The following TRMT61B variants were observed in gnomAD, a reference collection of about 807,000 sequenced individuals.
TRMT61B encodes tRNA methyltransferase 61B.
TRMT61B carries 56 observed loss-of-function variants against 52.0 expected under a neutral mutation model. The ratio of observed to expected loss-of-function variants is 1.08; its 90% CI spans 0.87 to 1.35. The LOEUF (loss-of-function observed/expected upper bound fraction) is 1.35. Ranked by LOEUF, TRMT61B falls within the 40% of genes most tolerant of loss-of-function variation. The probability of loss-of-function intolerance (pLI) is 0.00; values close to 1 mark genes in which losing one functional copy is unlikely to be tolerated. For missense variants in TRMT61B, 650 were observed against 577.9 expected (o/e 1.12, Z -1.28); for synonymous variants, 206 against 220.0 (o/e 0.94, Z 0.56).
rs1219767985 is a variant in TRMT61B, at chr2:28,861,290, A to G, written c.821T>C (p.Val274Ala). 2 of 1,592,054 alleles carry G rather than the reference A, an allele frequency of 1.3e-6. No individual in the cohort carries two copies. Among genetic ancestry groups the G allele is most frequent in the Non-Finnish European group, 1.7e-6 (2 of 1,172,838 alleles). The change falls in exon 3 of 7, where the codon GTC becomes GCC. Residue 274 changes from valine (V) to alanine (A), a missense_variant. Coordinates refer to ENST00000306108, the MANE Select transcript of TRMT61B (RefSeq NM_017910.4). ...LSKAVGSQGR[V>A]ISFEVRKDHH... Reference sequence around the variant, plus strand: ...GTCTTTTCGTACCTCAAAACTTATGACTCGTCCTTGTGATCCAACTTAAGT... The same window carrying G: ...GTCTTTTCGTACCTCAAAACTTATGGCTCGTCCTTGTGATCCAACTTAAGT...
intron 3 of TRMT61B, 74 bp downstream of exon 3, chr2:28,861,044 C>T: frequency 7.9e-7 from 1 of 1,261,170 alleles, no homozygotes; most frequent in Non-Finnish European, 1.1e-6. Context: ...GACCTTTGCC[C>T]ATACAAAAGA....
Position 28,861,131 on chromosome 2 carries a change from A to G in TRMT61B, c.980T>C (p.Leu327Ser). ...TAGAAAACTTACTGCGTCAAATGTT[A>G]AAGATTTTATGTCTTCGGTTGCTCC... ...ISGATEDIKS[L>S]TFDAVALDML... The change falls in exon 3 of 7, where the codon TTA becomes TCA. Residue 327 changes from leucine (L) to serine (S), a missense_variant. Physicochemically the swap from Leu to Ser is moderately radical, Grantham distance 145 (BLOSUM62 -2). Coordinates refer to ENST00000306108, the MANE Select transcript of TRMT61B (RefSeq NM_017910.4). 1 of 1,601,194 alleles carries G rather than the reference A, an allele frequency of 6.2e-7. No homozygotes were observed. Among genetic ancestry groups the G allele is most frequent in the Non-Finnish European group, 8.5e-7 (1 of 1,175,854 alleles).
In TRMT61B at chr2:28,851,088, A is replaced by G; in HGVS notation, c.1296T>C (p.Phe432=). The change falls in exon 5 of 7, where the codon TTT becomes TTC. Residue 432 remains phenylalanine (F), a synonymous_variant. Transcript: ENST00000306108. Reference sequence around the variant, plus strand: ...GAAGCTCACCATGGTCATCCTCTTGAAACAGCTCACCTTTAACTCCAATTT... The same window carrying G: ...GAAGCTCACCATGGTCATCCTCTTGGAACAGCTCACCTTTAACTCCAATTT... ...QEKIGVKGEL[F]QEDDHEESHS... 2 of 1,606,150 alleles carry G rather than the reference A, an allele frequency of 1.2e-6. No homozygotes were observed. The highest frequency in any genetic ancestry group is 1.7e-6 in the Non-Finnish European group (2 of 1,176,964).
chr2:28,869,369 C>T (rs543561810), intron 1 of TRMT61B, among the ~76,000 whole-genome samples: 2 of 152,236 alleles, frequency 1.3e-5, no homozygotes, highest in South Asian at 2.1e-4. Flanking sequence ...ACTCGAGACT[C>T]CTAAGTTAAA....
intron 3 of TRMT61B, among the ~76,000 whole-genome samples, chr2:28,857,209 C>T (rs535988123): frequency 2.6e-5 from 4 of 152,204 alleles, no homozygotes; most frequent in Admixed American, 6.5e-5. Flanking sequence ...GCTGGGATTA[C>T]GGCCATGAAC....
intron 1 of TRMT61B, among the ~76,000 whole-genome samples, chr2:28,867,375 G>A (rs1362736040): frequency 6.6e-6 from 1 of 152,146 alleles, no homozygotes; most frequent in Non-Finnish European, 1.5e-5. Flanking sequence ...GATTACAAGT[G>A]TGAGCCACTG....
intron 3 of TRMT61B, among the ~76,000 whole-genome samples, chr2:28,857,368 C>T (rs750597151): frequency 9.2e-5 from 14 of 152,110 alleles, no homozygotes; most frequent in South Asian, 4.1e-4. Context: ...CTGTTGACTC[C>T]AGAAACAAAG....
chr2:28,870,096 G>A lies in TRMT61B; in HGVS notation c.182C>T (p.Ala61Val), dbSNP rs1414023743. 6.2e-7 allele frequency: 1 copy of A among 1,613,998 alleles called. No homozygotes were observed. The highest frequency in any genetic ancestry group is 8.5e-7 in the Non-Finnish European group (1 of 1,180,020). ...AGATGGGCAAGACTCTGCTCCTGGG[G>A]CTTTCCTTTGTGCCGCCTCGTGCTC... Reference protein sequence around the residue: ...EREHEAAQRKAPGAESCPSLP... With the variant: ...EREHEAAQRKVPGAESCPSLP... Residue 61 changes from alanine to valine, a missense_variant, in exon 1 of 7, where the codon GCC becomes GTC. Transcript: ENST00000306108.
chr2:28,869,572 G>A lies in TRMT61B; in HGVS notation c.699+7C>T. ...AACCAATACACACCTTATCTCCATC[G>A]CATTACCTTTGGGAATGTTATGGCA... On this transcript the variant is annotated splice_region_variant and intron_variant, in intron 1 of 6. Transcript: ENST00000306108. The A allele has an allele frequency of 1.3e-6, 2 of 1,593,980 alleles. No homozygotes were observed. The highest frequency in any genetic ancestry group is 1.7e-6 in the Non-Finnish European group (2 of 1,163,832).
intron 3 of TRMT61B, among the ~76,000 whole-genome samples, chr2:28,854,393 G>A (rs1429870934): frequency 2.6e-5 from 4 of 152,036 alleles, no homozygotes; most frequent in Admixed American, 2.0e-4. Flanking sequence ...GATTGCTTGA[G>A]CCAGGAGTTC....
rs746850872 is a variant in TRMT61B at position 28,851,092 on chromosome 2, A to G, written c.1292T>C (p.Leu431Pro). The G allele has an allele frequency of 6.8e-6, 11 of 1,607,354 alleles. No individual in the cohort carries two copies. Among genetic ancestry groups the G allele is most frequent in the Non-Finnish European group, 8.5e-6 (10 of 1,177,460 alleles). The change falls in exon 5 of 7, where the codon CTG (leucine) becomes CCG (proline). Residue 431 changes from leucine (L) to proline (P), a missense_variant. Physicochemically the swap from Leu to Pro is moderately conservative, Grantham distance 98 (BLOSUM62 -3). Coordinates refer to ENST00000306108, the MANE Select transcript of TRMT61B (RefSeq NM_017910.4). ...SQEKIGVKGE[L>P]FQEDDHEESH... Reference sequence around the variant, plus strand: ...CTCACCATGGTCATCCTCTTGAAACAGCTCACCTTTAACTCCAATTTTCTC... The same window carrying G: ...CTCACCATGGTCATCCTCTTGAAACGGCTCACCTTTAACTCCAATTTTCTC...
In TRMT61B at chr2:28,869,617, CTACA is replaced by C; in HGVS notation, c.657_660del (p.Tyr219Ter). Reference sequence around the variant, plus strand: ...ATGGCAGTCCCTCTTTTCATCAATACTACATAGTCTTCCAAGGCTGGCCTCCTCA... The same window carrying C: ...ATGGCAGTCCCTCTTTTCATCAATACTAGTCTTCCAAGGCTGGCCTCCTCA... On this transcript the variant is annotated frameshift_variant, in exon 1 of 7. Coordinates refer to ENST00000306108, the MANE Select transcript of TRMT61B (RefSeq NM_017910.4). LOFTEE classifies it high-confidence loss of function. The C allele has an allele frequency of 6.2e-7, 1 of 1,614,024 alleles. No individual in the cohort carries two copies.
Position 28,870,253 on chromosome 2 carries a change from G to C in TRMT61B, c.25C>G (p.Pro9Ala). 1.3e-6 allele frequency: 2 copies of C among 1,599,994 alleles called. No homozygotes were observed. Among genetic ancestry groups the C allele is most frequent in the South Asian group, 1.1e-5 (1 of 90,276 alleles). Residue 9 changes from proline to alanine, a missense_variant, in exon 1 of 7, where the codon CCT becomes GCT. Pro to Ala is a conservative substitution (Grantham distance 27). Transcript: ENST00000306108. ...CCCTGCCGCAGGCACAGCAAGACAG[G>C]ACCGCGGCACCATGCCATTAGCATA... is the stretch of plus-strand genomic sequence containing the variant. MLMAWCRG[P>A]VLLCLRQGLG... is the part of the protein sequence containing the mutation.
intron 2 of TRMT61B, 46 bp downstream of exon 2, chr2:28,864,971 G>T (rs568948707): frequency 1.8e-6 from 2 of 1,123,478 alleles, no homozygotes; most frequent in Non-Finnish European, 2.7e-6. Flanking sequence ...TGAACAAATT[G>T]AATGTTTTCT....
rs1481158623 is a variant in TRMT61B at position 28,862,890 on chromosome 2, G to A, written c.803-1582C>T. Among the ~76,000 whole-genome samples, 3 of 151,078 alleles carry A rather than the reference G, an allele frequency of 2.0e-5. No individual in the cohort carries two copies. The East Asian group carries it at 6.0e-4, about 30-fold the overall frequency. The stretch of plus-strand genomic sequence containing the variant: ...TGTGTGTGTGTGTGTGTGTGTGTGT[G>A]TGTGTGTGTATGTGAAGAACTTTTA... On this transcript the variant is annotated intron_variant, in intron 2 of 6. Coordinates refer to ENST00000306108, the MANE Select transcript of TRMT61B (RefSeq NM_017910.4).
rs1292917389 is a variant in TRMT61B, at chr2:28,861,082, A to G, written c.993+36T>C. 5 of 1,522,366 alleles carry G rather than the reference A, an allele frequency of 3.3e-6. No individual in the cohort carries two copies. The African/African-American group carries it at 4.2e-5, about 13-fold the overall frequency. The allele number at this position is 1,522,366 out of a possible 1,614,324, so 94.3% of individuals were successfully genotyped here. A position where few individuals can be genotyped will look rare whatever the true frequency, so the allele number is the denominator to read the frequency against. ...CCTGACCCCTATCTTCTTTATAGTC[A>G]AAGTAATAACACAGGACCCACGTTA... On this transcript the variant is annotated intron_variant, in intron 3 of 6. Coordinates refer to ENST00000306108, the MANE Select transcript of TRMT61B (RefSeq NM_017910.4).
chr2:28,862,558 C>T (rs1037703404), intron 2 of TRMT61B, among the ~76,000 whole-genome samples: 31 of 151,166 alleles, frequency 2.1e-4, no homozygotes, highest in African/African-American at 7.0e-4. Context: ...GTCTCAAACT[C>T]GTGAGCTCAA....
chr2:28,858,282 T>C (rs1669434170), intron 3 of TRMT61B, among the ~76,000 whole-genome samples: 2 of 152,004 alleles, frequency 1.3e-5, no homozygotes, highest in African/African-American at 4.8e-5. Context: ...CCTTGTGATC[T>C]GCCCGCCTCG....
At chr2:28,861,097 G>C in intron 3 of TRMT61B, 21 bp downstream of exon 3, 1 of 1,571,774 alleles carries the variant, frequency 6.4e-7, no homozygotes, top group Non-Finnish European at 8.6e-7. Flanking sequence ...AATAACACAG[G>C]ACCCACGTTA....
Sources: allele counts gnomAD v4.1 joint callset (sites outside exome capture counted in the v4.1 genomes callset), GRCh38; gene constraint gnomAD v4.1.1; transcripts MANE v1.5; gene names NCBI Gene and HGNC (gene_info 2026-07-23, HGNC 2026-07-21).